The following KCNH7 variants were observed in gnomAD, a reference collection of about 807,000 sequenced individuals.
The protein encoded by KCNH7 is voltage-gated inwardly rectifying potassium channel KCNH7.
A neutral mutation model predicts 120.8 loss-of-function variants in KCNH7; 49 were observed. The observed-to-expected ratio is 0.41, with a 90% CI of 0.32 to 0.51. The LOEUF (loss-of-function observed/expected upper bound fraction) is 0.51, where lower values mean the gene tolerates loss of function less well. Among genes scored for constraint, KCNH7 ranks in the 20% least tolerant of loss-of-function variants. The pLI, the probability that KCNH7 is intolerant of heterozygous loss-of-function variation, is 0.38. For missense variants in KCNH7, 1,097 were observed against 1,446.6 expected, an observed-to-expected ratio of 0.76 and a Z score of 3.92; for synonymous variants, 547 against 516.1, an observed-to-expected ratio of 1.06 and a Z score of -0.81.
chr2:162,435,418 C>T lies in KCNH7; in HGVS notation c.1734G>A (p.Arg578=). The change falls in exon 8 of 16, where the codon AGG becomes AGA. Residue 578 remains arginine, a synonymous_variant. Transcript: ENST00000332142. Reference sequence around the variant, plus strand: ...ATCCGATTTTGTCAGTCAGGTAAGGCCTTTCTACATTCCCAATCGCATACC... The same window carrying T: ...ATCCGATTTTGTCAGTCAGGTAAGGTCTTTCTACATTCCCAATCGCATACC... ...CIWYAIGNVE[R]PYLTDKIGWL... 6.2e-7 allele frequency: 1 copy of T among 1,613,812 alleles called. No individual in the cohort carries two copies. Among genetic ancestry groups the T allele is most frequent in the Non-Finnish European group, 8.5e-7 (1 of 1,179,856 alleles).
chr2:162,517,674 A>G (rs1285615656), intron 4 of KCNH7, 56 bp downstream of exon 4: 1 of 1,338,640 alleles, frequency 7.5e-7, no homozygotes, highest in Non-Finnish European at 1.0e-6. Flanking sequence ...CAATATGCAA[A>G]TAATCATTTA....
intron 2 of KCNH7, among the ~76,000 whole-genome samples, chr2:162,770,844 T>C (rs1346059583): frequency 2.0e-5 from 3 of 152,138 alleles, no homozygotes; most frequent in African/African-American, 4.8e-5. Flanking sequence ...GTTATCTCAA[T>C]TGCACTGGAC....
chr2:162,704,796 G>T (rs1186417058), intron 2 of KCNH7, among the ~76,000 whole-genome samples: 1 of 152,164 alleles, frequency 6.6e-6, no homozygotes, highest in Non-Finnish European at 1.5e-5. Context: ...ATATGGTCAG[G>T]CAGTGTATGC....
At position 162,833,672 on chromosome 2, in the gene KCNH7, A is replaced by C. The variant is rs771647702; in HGVS notation, c.307+2865T>G. ...GTTTAATTGTGCCTAGCACAATCAC[A>C]TACAGAAGCATAGTAGGAAGTGGTG... On this transcript the variant is annotated intron_variant, in intron 2 of 15. Coordinates refer to ENST00000332142, the MANE Select transcript of KCNH7 (RefSeq NM_033272.4). Among the ~76,000 whole-genome samples, 10 of 152,166 alleles carry C rather than the reference A, an allele frequency of 6.6e-5. 1 individual carries two copies. Among genetic ancestry groups the C allele is most frequent in the Non-Finnish European group, 7.4e-5 (5 of 67,990 alleles).
rs578028930 is a variant in KCNH7, at chr2:162,683,528, G to A, written c.308-146448C>T. 6.6e-5 allele frequency among the ~76,000 whole-genome samples: 10 copies of A among 151,976 alleles called. No homozygotes were observed. In the South Asian group the frequency reaches 2.1e-3, roughly 32 times the overall value. Reference sequence around the variant, plus strand: ...TCAAGGAAACTACTCCAGAATATCTGAATTCACAAAGGTGAAAGAAAGTGG... The same window carrying A: ...TCAAGGAAACTACTCCAGAATATCTAAATTCACAAAGGTGAAAGAAAGTGG... On this transcript the variant is annotated intron_variant, in intron 2 of 15. Coordinates refer to ENST00000332142, the MANE Select transcript of KCNH7 (RefSeq NM_033272.4).
At chr2:162,379,755 G>C in intron 14 of KCNH7, 98 bp downstream of exon 14, 3 of 1,134,000 alleles carry the variant, frequency 2.6e-6, no homozygotes, top group Non-Finnish European at 3.8e-6. Context: ...AGGAAATTAT[G>C]AGATCATGGC....
chr2:162,836,896 C>T (rs1311071381), intron 1 of KCNH7, 129 bp from the exon 2 acceptor site: 4 of 595,538 alleles, frequency 6.7e-6, no homozygotes, highest in Non-Finnish European at 1.2e-5. Flanking sequence ...ATCTCTCCAG[C>T]CCTTATGAAA....
chr2:162,820,032 A>ATTTT (rs1261388836), intron 2 of KCNH7, among the ~76,000 whole-genome samples: 2 of 126,646 alleles, frequency 1.6e-5, no homozygotes, highest in Non-Finnish European at 1.6e-5. Flanking sequence ...TATTCCATAA[A>ATTTT]CTTTTTTTTT....
At chr2:162,622,855 A>G (rs75394872) in intron 2 of KCNH7, among the ~76,000 whole-genome samples, 3,414 of 152,188 alleles carry the variant, frequency 0.022, 123 homozygotes, top group East Asian at 0.18. Context: ...TGCTATGAGT[A>G]TTGGCTTTGC....
intron 2 of KCNH7, among the ~76,000 whole-genome samples, chr2:162,835,775 G>A (rs924155930): frequency 2.0e-5 from 3 of 151,992 alleles, no homozygotes; most frequent in African/African-American, 7.2e-5. Flanking sequence ...AATTTTTTAA[G>A]AGAACTATTA....
intron 2 of KCNH7, among the ~76,000 whole-genome samples, chr2:162,614,400 A>T (rs1246055958): frequency 6.6e-6 from 1 of 152,030 alleles, no homozygotes; most frequent in Admixed American, 6.6e-5. Flanking sequence ...CACATGCATA[A>T]GGAGAAATGT....
chr2:162,785,163 C>A (rs1023823160), intron 2 of KCNH7: 1 of 152,132 alleles, frequency 6.6e-6, no homozygotes. Context: ...AAAGATAGGT[C>A]CGTACTATTT....
chr2:162,501,373 A>G (rs1352070), intron 6 of KCNH7, among the ~76,000 whole-genome samples: 15,918 of 152,116 alleles, frequency 0.1, 902 homozygotes, highest in African/African-American at 0.15. Context: ...TGCCTGTATC[A>G]TACCTCTCCA....
intron 8 of KCNH7, among the ~76,000 whole-genome samples, chr2:162,424,758 G>T (rs530380773): frequency 1.3e-5 from 2 of 152,218 alleles, no homozygotes; most frequent in South Asian, 4.2e-4. Flanking sequence ...TGTCATGATT[G>T]GTTATCAAGA....
intron 3 of KCNH7, among the ~76,000 whole-genome samples, chr2:162,535,692 C>G (rs1163704444): frequency 2.0e-5 from 3 of 151,648 alleles, no homozygotes; most frequent in Non-Finnish European, 4.4e-5. Context: ...AAATTTGCTT[C>G]TAAAGTTCAC....
intron 2 of KCNH7, among the ~76,000 whole-genome samples, chr2:162,725,376 A>G (rs1363475356): frequency 6.6e-6 from 1 of 152,114 alleles, no homozygotes; most frequent in Non-Finnish European, 1.5e-5. Flanking sequence ...TTTATAGTGA[A>G]TGTTCTTTAG....
intron 2 of KCNH7, among the ~76,000 whole-genome samples, chr2:162,766,297 T>A (rs1387407865): frequency 6.6e-6 from 1 of 152,144 alleles, no homozygotes; most frequent in East Asian, 1.9e-4. Flanking sequence ...CACATGCGCC[T>A]TGACGTGAAA....
chr2:162,825,744 T>C (rs1359501506), intron 2 of KCNH7, among the ~76,000 whole-genome samples: 1 of 152,002 alleles, frequency 6.6e-6, no homozygotes, highest in Non-Finnish European at 1.5e-5. Context: ...GTGTAAAAAT[T>C]TTATGTAATC....
At chr2:162,728,434 G>A (rs1322062671) in intron 2 of KCNH7, among the ~76,000 whole-genome samples, 1 of 152,118 alleles carries the variant, frequency 6.6e-6, no homozygotes. Flanking sequence ...CCCAGTAGGT[G>A]TCTTGTCTTT....
Sources: allele counts gnomAD v4.1 joint callset (sites outside exome capture counted in the v4.1 genomes callset), GRCh38; gene constraint gnomAD v4.1.1; transcripts MANE v1.5; gene names NCBI Gene and HGNC (gene_info 2026-07-23, HGNC 2026-07-21).